MYCBP2: variants seen among roughly 807,000 people sequenced by gnomAD.
MYCBP2 encodes the protein MYC binding protein 2.
A neutral mutation model predicts 525.3 loss-of-function variants in MYCBP2; 120 were observed. The ratio of observed to expected loss-of-function variants is 0.23; its 90% confidence interval spans 0.20 to 0.27. The LOEUF is 0.27. Among genes scored for constraint, MYCBP2 ranks in the 10% least tolerant of loss-of-function variants. The pLI is 1.00. For missense variants in MYCBP2, 4,149 were observed against 5,657.1 expected (o/e 0.73, Z 8.55); for synonymous variants, 1,894 against 1,955.8 (o/e 0.97, Z 0.83).
intron 1 of MYCBP2, among the ~76,000 whole-genome samples, chr13:77,323,977 CCT>C (rs67001158): frequency 0.027 from 4,104 of 152,148 alleles, 201 homozygotes; most frequent in African/African-American, 0.092. Flanking sequence ...TCAATTATCC[CCT>C]CTCTCACTTC....
At chr13:77,187,602 G>C (rs1187643623) in intron 30 of MYCBP2, among the ~76,000 whole-genome samples, 14 of 152,178 alleles carry the variant, frequency 9.2e-5, no homozygotes, top group Non-Finnish European at 1.8e-4. Flanking sequence ...GACTGACAGA[G>C]CCAAATGTAC....
Position 77,261,158 on chromosome 13 carries a change from T to A in MYCBP2, c.1852+13A>T, listed in dbSNP as rs1332604976. On this transcript the variant is annotated intron_variant, in intron 12 of 82. Coordinates refer to ENST00000544440, the MANE Select transcript of MYCBP2 (RefSeq NM_015057.5). ...TTATTTTTATTAAATGCATAGTTGATCACTCAACTTACTTGATTCTCCATC... is the reference window on the plus strand; with the variant it reads ...TTATTTTTATTAAATGCATAGTTGAACACTCAACTTACTTGATTCTCCATC... The A allele has an allele frequency of 6.3e-7, 1 of 1,585,276 alleles. No homozygotes were observed. The highest frequency in any genetic ancestry group is 1.1e-5 in the South Asian group (1 of 89,360).
chr13:77,184,854 C>T (rs1405773629), intron 32 of MYCBP2, among the ~76,000 whole-genome samples: 3 of 152,198 alleles, frequency 2.0e-5, no homozygotes, highest in Non-Finnish European at 4.4e-5. Flanking sequence ...CTCCCTCTCT[C>T]AGAATCACTC....
intron 82 of MYCBP2, 90 bp from the exon 83 acceptor site, chr13:77,045,583 T>C (rs2035385872): frequency 1.3e-6 from 1 of 760,624 alleles, no homozygotes. Context: ...TGATAGGTTA[T>C]TCAAAGAAAT....
chr13:77,319,435 C>A (rs1440774943), intron 1 of MYCBP2, among the ~76,000 whole-genome samples: 1 of 152,176 alleles, frequency 6.6e-6, no homozygotes, highest in East Asian at 1.9e-4. Flanking sequence ...AGAATTCTAC[C>A]TACCTTGGTG....
chr13:77,080,267 C>T (rs2043069941), intron 65 of MYCBP2, among the ~76,000 whole-genome samples: 1 of 152,172 alleles, frequency 6.6e-6, no homozygotes, highest in Non-Finnish European at 1.5e-5. Context: ...GCAGACTGGC[C>T]TGCATCCAGG....
At chr13:77,110,606 GATAAAAACCTGCTTA>G (rs1184535993) in intron 55 of MYCBP2, among the ~76,000 whole-genome samples, 1 of 151,962 alleles carries the variant, frequency 6.6e-6, no homozygotes, top group South Asian at 2.1e-4. Context: ...CTCCCTTTTT[GATAAAAACCTGCTTA>G]ATAAAAACCT....
At chr13:77,230,038 C>T (rs1024306620) in intron 18 of MYCBP2, among the ~76,000 whole-genome samples, 1 of 152,148 alleles carries the variant, frequency 6.6e-6, no homozygotes, top group Admixed American at 6.5e-5. Flanking sequence ...TTTATAGGCA[C>T]ATTTTAGAAT....
chr13:77,169,960 A>T (rs1037795437), intron 38 of MYCBP2, among the ~76,000 whole-genome samples: 22 of 152,226 alleles, frequency 1.4e-4, no homozygotes, highest in Non-Finnish European at 8.8e-5. Flanking sequence ...CATGGCACAT[A>T]GGGTTTAAGT....
At position 77,231,778 on chromosome 13, in the gene MYCBP2, G is replaced by A. The variant is rs139432268; in HGVS notation, c.2737+1378C>T. Among the ~76,000 whole-genome samples the A allele has an allele frequency of 2.6e-5, 4 of 152,246 alleles. No homozygotes were observed. The East Asian group carries it at 7.7e-4, about 29-fold the overall frequency. ...CTTCACTTTCATATATTTGGGGGAA[G>A]AAAGAAACTGAAAAAATCTGTTCTA... On this transcript the variant is annotated intron_variant, in intron 18 of 82. Transcript: ENST00000544440.
chr13:77,211,186 C>G lies in MYCBP2; in HGVS notation c.3397G>C (p.Val1133Leu). The G allele has an allele frequency of 6.7e-7, 1 of 1,488,054 alleles. No homozygotes were observed. The highest frequency in any genetic ancestry group is 9.0e-7 in the Non-Finnish European group (1 of 1,116,546). 92.2% of individuals were successfully genotyped at this position (1,488,054 alleles called of 1,614,324 possible). A position where few individuals can be genotyped will look rare whatever the true frequency, so the allele number is the denominator to read the frequency against. Residue 1133 changes from valine (V) to leucine (L), a missense_variant, in exon 23 of 83, where the codon GTA becomes CTA. Val to Leu is a conservative substitution (Grantham distance 32). Transcript: ENST00000544440. The stretch of plus-strand genomic sequence containing the variant: ...GCTTACCTCCAAATTACATCATATA[C>G]AGGATCAAGACACACACCAAATCCT... Reference protein sequence around the residue: ...LQGFGVCLDPVYDVIWRFRPN... With the variant: ...LQGFGVCLDPLYDVIWRFRPN...
chr13:77,257,968 G>C, intron 13 of MYCBP2, 139 bp from the exon 14 acceptor site: 1 of 625,648 alleles, frequency 1.6e-6, no homozygotes, highest in East Asian at 3.0e-5. Context: ...CAAAAGACTG[G>C]CAGAGTATCA....
chr13:77,273,648 A>G lies in MYCBP2; in HGVS notation c.769T>C (p.Leu257=). 1 of 1,555,448 alleles carries G rather than the reference A, an allele frequency of 6.4e-7. No individual in the cohort carries two copies. Among genetic ancestry groups the G allele is most frequent in the South Asian group, 1.2e-5 (1 of 81,274 alleles). ...EVLESLFQLL[L]EITVRSTGMN... is the part of the protein sequence containing the mutation. ...CCAGTACTTCGAACGGTGATTTCCA[A>G]AAGAAGCTGGAAGAGAGACTCTGTG... is the stretch of plus-strand genomic sequence containing the variant. The change falls in exon 5 of 83, where the codon TTG becomes CTG. Residue 257 remains leucine, a synonymous_variant. Coordinates refer to ENST00000544440, the MANE Select transcript of MYCBP2 (RefSeq NM_015057.5).
At chr13:77,059,798 A>G (rs1284053989) in intron 76 of MYCBP2, among the ~76,000 whole-genome samples, 172 bp from the exon 77 acceptor site, 1 of 152,174 alleles carries the variant, frequency 6.6e-6, no homozygotes, top group Non-Finnish European at 1.5e-5. Context: ...AAAGTAAATA[A>G]TGACACACAA....
In MYCBP2 at chr13:77,165,417, C is replaced by T. The variant is rs147364305; in HGVS notation, c.6341-26G>A. On this transcript the variant is annotated intron_variant, in intron 41 of 82. Transcript: ENST00000544440. ...CTAATAAAAATGCCAGAATTGAGTT[C>T]AAACTCTAAAACAATTTTATAAAAA... 124 of 1,498,052 alleles carry T rather than the reference C, an allele frequency of 8.3e-5. No homozygotes were observed. The African/African-American group carries it at 1.7e-3, about 20-fold the overall frequency. 92.8% of individuals were successfully genotyped at this position (1,498,052 alleles called of 1,614,324 possible).
intron 35 of MYCBP2, among the ~76,000 whole-genome samples, chr13:77,176,957 C>A (rs2059763406): frequency 6.6e-6 from 1 of 151,996 alleles, no homozygotes; most frequent in South Asian, 2.1e-4. Context: ...GATAGACTTG[C>A]TATTTAATAG....
rs2071161860 is a variant in MYCBP2, at chr13:77,251,278, T to C, written c.2254A>G (p.Met752Val). ...TTGTGCATGCCTGGAGGGCACATCA[T>C]AGACTTCTCATCTTTTTCATCTAGT... is the stretch of plus-strand genomic sequence containing the variant. ...EELDEKDEKS[M>V]MCPPGMHKWK... The change falls in exon 15 of 83, where the codon ATG becomes GTG. Residue 752 changes from methionine to valine, a missense_variant. Transcript: ENST00000544440. 2.5e-6 allele frequency: 4 copies of C among 1,614,254 alleles called. No individual in the cohort carries two copies. The highest frequency in any genetic ancestry group is 3.4e-6 in the Non-Finnish European group (4 of 1,180,032).
At position 77,270,028 on chromosome 13, in the gene MYCBP2, G is replaced by A; in HGVS notation, c.1224C>T (p.Asn408=). ...HIYNSTSRIR[N]RKEKKSWLGY... is the part of the protein sequence containing the mutation. ...CTAACCAAGACTTTTTTTCTTTTCT[G>A]TTTCTAATACGGGATGTAGAATTGT... Residue 408 remains asparagine, a synonymous_variant, in exon 7 of 83, where the codon AAC becomes AAT. Coordinates refer to ENST00000544440, the MANE Select transcript of MYCBP2 (RefSeq NM_015057.5). 1 of 1,610,572 alleles carries A rather than the reference G, an allele frequency of 6.2e-7. No individual in the cohort carries two copies. Among genetic ancestry groups the A allele is most frequent in the East Asian group, 2.2e-5 (1 of 44,712 alleles).
At chr13:77,205,414 A>C (rs923302086) in intron 25 of MYCBP2, 31 bp from the exon 26 acceptor site, 1 of 1,611,814 alleles carries the variant, frequency 6.2e-7, no homozygotes, top group African/African-American at 1.3e-5. Context: ...TCTATGTTTT[A>C]AAAGATCCAT....
Sources: gnomAD v4.1 joint callset for allele counts (sites outside exome capture counted in the v4.1 genomes callset) on GRCh38, gnomAD v4.1.1 for gene constraint, MANE v1.5 for transcripts, NCBI Gene and HGNC (gene_info 2026-07-23, HGNC 2026-07-21) for gene names.